The following PLCB1 variants were observed in gnomAD, a reference collection of about 807,000 sequenced individuals.
PLCB1 encodes 1-phosphatidylinositol 4,5-bisphosphate phosphodiesterase beta-1.
A neutral mutation model predicts 161.8 loss-of-function variants in PLCB1; 46 were observed. The ratio of observed to expected loss-of-function variants is 0.28; its 90% CI spans 0.22 to 0.36. PLCB1 has a LOEUF of 0.36. Ranked by LOEUF, PLCB1 falls within the 10% of genes least tolerant of loss-of-function variation. The pLI, the probability that PLCB1 is intolerant of heterozygous loss-of-function variation, is 1.00. For synonymous variants in PLCB1, 517 were observed against 503.7 expected, an observed-to-expected ratio of 1.03 and a Z score of -0.35; for missense variants, 1,016 against 1,472.5, an observed-to-expected ratio of 0.69 and a Z score of 5.07.
intron 31 of PLCB1, among the ~76,000 whole-genome samples, chr20:8,836,095 CTCT>C (rs1158165018): frequency 2.6e-5 from 4 of 152,020 alleles, no homozygotes; most frequent in Non-Finnish European, 5.9e-5. Context: ...CCCTGTGTCT[CTCT>C]TCTTCTAGCA....
At chr20:8,292,022 A>C (rs1983406368) in intron 2 of PLCB1, among the ~76,000 whole-genome samples, 1 of 152,124 alleles carries the variant, frequency 6.6e-6, no homozygotes, top group African/African-American at 2.4e-5. Flanking sequence ...TAAAGTCAGC[A>C]CATAGTGGAG....
chr20:8,433,692 G>A (rs1009551655), intron 3 of PLCB1, among the ~76,000 whole-genome samples: 2 of 140,596 alleles, frequency 1.4e-5, no homozygotes, highest in Non-Finnish European at 3.1e-5. Flanking sequence ...AATGACGAGT[G>A]TATCCTTCTC....
chr20:8,444,752 G>A (rs1980737815), intron 3 of PLCB1, among the ~76,000 whole-genome samples: 1 of 152,170 alleles, frequency 6.6e-6, no homozygotes, highest in South Asian at 2.1e-4. Flanking sequence ...TAACTAGTGT[G>A]AGATGGTATC....
chr20:8,760,378 G>C (rs369410529), intron 24 of PLCB1, 29 bp from the exon 25 acceptor site: 1 of 1,424,160 alleles, frequency 7.0e-7, no homozygotes, highest in Non-Finnish European at 9.9e-7. Context: ...AAGTTGAAGA[G>C]GCTATTTATT....
chr20:8,643,161 C>G (rs764795100), intron 4 of PLCB1, among the ~76,000 whole-genome samples: 16 of 152,154 alleles, frequency 1.1e-4, no homozygotes, highest in Non-Finnish European at 2.1e-4. Context: ...CTCACCTGGA[C>G]TACTGGACTA....
At chr20:8,378,943 T>C (rs146128005) in intron 3 of PLCB1, among the ~76,000 whole-genome samples, 2 of 152,316 alleles carry the variant, frequency 1.3e-5, no homozygotes, top group African/African-American at 4.8e-5. Context: ...GTTCAAGTTT[T>C]ATTTATTTAT....
At chr20:8,523,506 A>ATATATATATATATATATATT (rs1984460058) in intron 3 of PLCB1, among the ~76,000 whole-genome samples, 1 of 98,236 alleles carries the variant, frequency 1.0e-5, no homozygotes, top group African/African-American at 3.7e-5. Context: ...CTATATATAT[A>ATATATATATATATATATATT]TATATATATA....
intron 3 of PLCB1, among the ~76,000 whole-genome samples, chr20:8,514,445 CA>C (rs752609524): frequency 2.2e-3 from 170 of 78,520 alleles, no homozygotes; most frequent in Middle Eastern, 0.013. Context: ...ACTCCATCTC[CA>C]AAAAAAAAAA....
At chr20:8,348,992 G>GTA (rs975857354) in intron 2 of PLCB1, among the ~76,000 whole-genome samples, 73 of 151,466 alleles carry the variant, frequency 4.8e-4, no homozygotes, top group African/African-American at 1.6e-3. Context: ...GCATATATTT[G>GTA]TATATATATA....
chr20:8,436,446 C>T (rs201041152), intron 3 of PLCB1, among the ~76,000 whole-genome samples: 1 of 56,622 alleles, frequency 1.8e-5, no homozygotes, highest in Non-Finnish European at 3.5e-5. Flanking sequence ...AAAAAAAAAA[C>T]AAGACAACAA....
At chr20:8,806,484 A>G (rs895674826) in intron 31 of PLCB1, among the ~76,000 whole-genome samples, 16 of 151,772 alleles carry the variant, frequency 1.1e-4, no homozygotes, top group African/African-American at 9.7e-5. Context: ...CATCTCCTCT[A>G]CTTGCAAGCC....
At chr20:8,803,225 G>A (rs910013781) in intron 31 of PLCB1, among the ~76,000 whole-genome samples, 1 of 151,886 alleles carries the variant, frequency 6.6e-6, no homozygotes, top group Admixed American at 6.6e-5. Context: ...TATCTAGGAT[G>A]TCTGAGTGGG....
At position 8,670,019 on chromosome 20, in the gene PLCB1, A is replaced by G. The variant is rs184331825; in HGVS notation, c.862+11315A>G. Among the ~76,000 whole-genome samples the G allele has an allele frequency of 2.6e-5, 4 of 152,278 alleles. 1 individual carries two copies. ...TGTGGAGGGTCTCCTCTCATAAAGC[A>G]CTGTGACAGTGTACTCATAAAAGGC... is the stretch of plus-strand genomic sequence containing the variant. On this transcript the variant is annotated intron_variant, in intron 9 of 31. Coordinates refer to ENST00000338037, the MANE Select transcript of PLCB1 (RefSeq NM_015192.4).
chr20:8,479,649 A>T (rs1223864981), intron 3 of PLCB1, among the ~76,000 whole-genome samples: 1 of 152,158 alleles, frequency 6.6e-6, no homozygotes, highest in East Asian at 1.9e-4. Flanking sequence ...TTTGCTTTCC[A>T]TCTTTGCCAT....
At chr20:8,833,758 G>T (rs1170741833) in intron 31 of PLCB1, among the ~76,000 whole-genome samples, 1 of 152,152 alleles carries the variant, frequency 6.6e-6, no homozygotes, top group African/African-American at 2.4e-5. Context: ...TCAATTTTTG[G>T]TAAGTCAATA....
At chr20:8,510,271 C>T (rs1983823565) in intron 3 of PLCB1, among the ~76,000 whole-genome samples, 1 of 151,994 alleles carries the variant, frequency 6.6e-6, no homozygotes, top group Non-Finnish European at 1.5e-5. Context: ...CTGGAGCTTG[C>T]TTTCACTTTT....
intron 31 of PLCB1, among the ~76,000 whole-genome samples, chr20:8,879,141 A>G (rs892824129): frequency 6.6e-6 from 1 of 152,182 alleles, no homozygotes; most frequent in Non-Finnish European, 1.5e-5. Flanking sequence ...ACATGATTTC[A>G]TACTTTTTAT....
intron 2 of PLCB1, among the ~76,000 whole-genome samples, chr20:8,293,172 T>C (rs1326886458): frequency 6.6e-6 from 1 of 152,160 alleles, no homozygotes; most frequent in Non-Finnish European, 1.5e-5. Context: ...TTCCCAAAAT[T>C]CTAAGTTTTG....
intron 3 of PLCB1, among the ~76,000 whole-genome samples, chr20:8,470,054 T>C (rs1327745780): frequency 1.3e-5 from 2 of 152,172 alleles, no homozygotes; most frequent in African/African-American, 4.8e-5. Context: ...GACCAGCTTC[T>C]TTCATATAGC....
Sources: allele counts gnomAD v4.1 joint callset (sites outside exome capture counted in the v4.1 genomes callset), GRCh38; gene constraint gnomAD v4.1.1; transcripts MANE v1.5; gene names NCBI Gene and HGNC (gene_info 2026-07-23, HGNC 2026-07-21).